FGGY: variants seen among roughly 807,000 people sequenced by gnomAD.
The protein encoded by FGGY is FGGY carbohydrate kinase domain-containing protein.
Under a neutral mutation model 71.3 loss-of-function variants are expected in FGGY, and 72 were observed. That is an observed-to-expected ratio of 1.01 (90% CI 0.84 to 1.23). FGGY has a LOEUF of 1.23. Among genes scored for constraint, FGGY ranks in the 50% most tolerant of loss-of-function variants. FGGY has a pLI of 0.00. For missense variants in FGGY, 668 were observed against 682.3 expected (o/e 0.98, Z 0.23); for synonymous variants, 251 against 250.3 (o/e 1.00, Z -0.02).
intron 11 of FGGY, among the ~76,000 whole-genome samples, chr1:59,653,895 C>T (rs886383643): frequency 2.0e-5 from 3 of 152,232 alleles, no homozygotes; most frequent in Non-Finnish European, 2.9e-5. Context: ...TGTCGCTTGA[C>T]TGACTCCTCT....
At chr1:59,607,651 G>C (rs1257943749) in intron 8 of FGGY, 152 bp from the exon 9 acceptor site, 1 of 543,438 alleles carries the variant, frequency 1.8e-6, no homozygotes, top group Non-Finnish European at 3.3e-6. Flanking sequence ...AAAAAAAGGA[G>C]CCATGGCCTT....
rs555658007 is a variant in FGGY, at chr1:59,372,451, T to C, written c.466-6298T>C. Among the ~76,000 whole-genome samples the C allele has an allele frequency of 3.0e-3, 459 of 152,266 alleles. 1 individual carries two copies. The highest frequency in any genetic ancestry group is 0.01 in the African/African-American group (433 of 41,546). The stretch of plus-strand genomic sequence containing the variant: ...CAACCAAAAAGAGTCCAGGACCAGA[T>C]GGATTCACAGCCGAATTCTACCAGA... On this transcript the variant is annotated intron_variant, in intron 4 of 15. Coordinates refer to ENST00000303721, the MANE Select transcript of FGGY (RefSeq NM_018291.5).
At chr1:59,753,361 C>G (rs978096377) in intron 14 of FGGY, among the ~76,000 whole-genome samples, 10 of 151,100 alleles carry the variant, frequency 6.6e-5, no homozygotes, top group African/African-American at 2.4e-4. Context: ...CACTGATTCT[C>G]AGGGTATTCT....
chr1:59,640,476 A>G (rs1486845866), intron 11 of FGGY, among the ~76,000 whole-genome samples: 3 of 152,208 alleles, frequency 2.0e-5, no homozygotes, highest in Non-Finnish European at 4.4e-5. Flanking sequence ...AGATGCAACA[A>G]TACCTACCTT....
At chr1:59,669,022 C>CT (rs367917029) in intron 13 of FGGY, among the ~76,000 whole-genome samples, 3 of 148,946 alleles carry the variant, frequency 2.0e-5, no homozygotes, top group Admixed American at 6.7e-5. Context: ...AGCATACAGT[C>CT]TAAGGGCAGA....
chr1:59,522,797 A>G (rs2153650646), intron 7 of FGGY, among the ~76,000 whole-genome samples: 1 of 152,314 alleles, frequency 6.6e-6, no homozygotes, highest in South Asian at 2.1e-4. Flanking sequence ...TGGATCCAAG[A>G]CTCAAACCCT....
At chr1:59,455,229 C>T (rs1246491989) in intron 5 of FGGY, among the ~76,000 whole-genome samples, 1 of 152,132 alleles carries the variant, frequency 6.6e-6, no homozygotes, top group Non-Finnish European at 1.5e-5. Context: ...AAGGTATGTC[C>T]AGATTGGAAC....
chr1:59,614,787 C>A (rs962509646), intron 9 of FGGY, among the ~76,000 whole-genome samples: 6 of 152,258 alleles, frequency 3.9e-5, no homozygotes, highest in East Asian at 3.9e-4. Flanking sequence ...AGCTGATAAG[C>A]AACTTCAGCA....
At chr1:59,522,581 T>C (rs2094865639) in intron 7 of FGGY, among the ~76,000 whole-genome samples, 1 of 152,190 alleles carries the variant, frequency 6.6e-6, no homozygotes, top group Admixed American at 6.5e-5. Context: ...ACAATATTAA[T>C]GTTGACGTTA....
At chr1:59,307,387 G>A (rs2043608957) in intron 1 of FGGY, among the ~76,000 whole-genome samples, 1 of 151,756 alleles carries the variant, frequency 6.6e-6, no homozygotes, top group South Asian at 2.1e-4. Flanking sequence ...CAAATATTGG[G>A]ATTGTAGAAT....
intron 8 of FGGY, among the ~76,000 whole-genome samples, chr1:59,556,088 A>G (rs2095681281): frequency 6.6e-6 from 1 of 152,268 alleles, no homozygotes; most frequent in Non-Finnish European, 1.5e-5. Context: ...AGAGATCTGC[A>G]GAGGCCTGAG....
intron 14 of FGGY, chr1:59,699,180 C>T: frequency 1.0e-6 from 1 of 985,250 alleles, no homozygotes; most frequent in South Asian, 4.7e-5. Context: ...AGCTGAGTCC[C>T]TCAGTGTAAA....
chr1:59,695,186 A>G (rs528252597), intron 14 of FGGY, among the ~76,000 whole-genome samples: 2 of 152,330 alleles, frequency 1.3e-5, no homozygotes, highest in South Asian at 2.1e-4. Flanking sequence ...CAAGACTAGT[A>G]TATTCTCTAC....
intron 5 of FGGY, among the ~76,000 whole-genome samples, chr1:59,418,601 TG>T (rs2064882495): frequency 6.6e-6 from 1 of 151,754 alleles, no homozygotes; most frequent in South Asian, 2.1e-4. Flanking sequence ...AAAAGAGGAG[TG>T]GGGGAAAGTC....
At chr1:59,578,930 CTTATA>C (rs2096134189) in intron 8 of FGGY, among the ~76,000 whole-genome samples, 1 of 152,068 alleles carries the variant, frequency 6.6e-6, no homozygotes, top group Non-Finnish European at 1.5e-5. Context: ...AAACCTTGAC[CTTATA>C]TTTCGCCCTC....
chr1:59,757,181 T>G (rs1473761054), intron 14 of FGGY, among the ~76,000 whole-genome samples: 1 of 152,122 alleles, frequency 6.6e-6, no homozygotes, highest in African/African-American at 2.4e-5. Context: ...GACTCCAAAG[T>G]TTACTTTCTC....
At chr1:59,512,120 G>A (rs1479817308) in intron 6 of FGGY, among the ~76,000 whole-genome samples, 191 bp from the exon 7 acceptor site, 2 of 152,170 alleles carry the variant, frequency 1.3e-5, no homozygotes, top group Non-Finnish European at 2.9e-5. Context: ...CACAAAGCAT[G>A]ACCCATAGGT....
chr1:59,581,521 C>A (rs1488446316), intron 8 of FGGY, among the ~76,000 whole-genome samples: 1 of 145,878 alleles, frequency 6.9e-6, no homozygotes, highest in East Asian at 2.0e-4. Flanking sequence ...TCTCTCCCAT[C>A]AGTTCTTGAG....
intron 13 of FGGY, among the ~76,000 whole-genome samples, chr1:59,670,044 A>G (rs1042148545): frequency 2.6e-5 from 4 of 152,182 alleles, no homozygotes; most frequent in Non-Finnish European, 5.9e-5. Context: ...TTTTGTCTCT[A>G]ACTATGGACC....
Sources: gnomAD v4.1 joint callset for allele counts (sites outside exome capture counted in the v4.1 genomes callset) on GRCh38, gnomAD v4.1.1 for gene constraint, MANE v1.5 for transcripts, NCBI Gene and HGNC (gene_info 2026-07-23, HGNC 2026-07-21) for gene names.